Variants in STRA6 observed in about 807,000 individuals in gnomAD.
STRA6 encodes receptor for retinol uptake STRA6.
A neutral mutation model predicts 83.6 loss-of-function variants in STRA6; 48 were observed. That is an observed-to-expected ratio of 0.57 (90% CI 0.46 to 0.73). The LOEUF (loss-of-function observed/expected upper bound fraction) is 0.73, where lower values mean the gene tolerates loss of function less well. Among genes scored for constraint, STRA6 ranks in the 30% least tolerant of loss-of-function variants. STRA6 has a pLI of 0.00. For missense variants in STRA6, 760 were observed against 838.8 expected (o/e 0.91, Z 1.16); for synonymous variants, 353 against 362.3 (o/e 0.97, Z 0.29).
At chr15:74,209,270 G>T, upstream of STRA6, 1 of 1,253,600 alleles carries the variant, frequency 8.0e-7, no homozygotes, top group Non-Finnish European at 1.1e-6. Context: ...GGCCCTCAGA[G>T]TCACCTCAGT....
rs2072899118 is a variant in STRA6, at chr15:74,180,099, G to T, written c.1985C>A (p.Ala662Asp). The change falls in exon 19 of 19, where the codon GCC (alanine) becomes GAC (aspartate). Residue 662 changes from alanine to aspartate, a missense_variant. Transcript: ENST00000395105. ...CTGCCCTCAGGGCTGGGCACCATTG[G>T]CACCCAACAGGGCCGTCTTGCGGAA... ...QVFRKTALLG[A>D]NGAQP 2 of 1,613,210 alleles carry T rather than the reference G, an allele frequency of 1.2e-6. No homozygotes were observed. The highest frequency in any genetic ancestry group is 1.7e-6 in the Non-Finnish European group (2 of 1,179,440).
chr15:74,184,860 A>C (rs1325887471), intron 13 of STRA6, 120 bp downstream of exon 13: 1 of 1,015,940 alleles, frequency 9.8e-7, no homozygotes, highest in African/African-American at 1.6e-5. Context: ...GGTGGGCTCC[A>C]TGACAGCCCG....
In STRA6 at chr15:74,189,384, C is replaced by T. The variant is rs1263951522; in HGVS notation, c.928-107G>A. ...CAGCACACAGGCCCCAGCCACATGC[C>T]CATTGCCCATCAGTGTTCTTATCTG... On this transcript the variant is annotated intron_variant, in intron 11 of 18. Coordinates refer to ENST00000395105, the MANE Select transcript of STRA6 (RefSeq NM_022369.4). 17 of 1,465,534 alleles carry T rather than the reference C, an allele frequency of 1.2e-5. No individual in the cohort carries two copies. The Admixed American group carries it at 2.8e-4, about 24-fold the overall frequency. 90.8% of individuals were successfully genotyped at this position (1,465,534 alleles called of 1,614,324 possible).
intron 1 of STRA6, chr15:74,207,799 C>T (rs1370195891): frequency 6.5e-7 from 1 of 1,534,728 alleles, no homozygotes; most frequent in African/African-American, 1.4e-5. Context: ...GCACAGCACA[C>T]TCACACACAC....
At chr15:74,194,671 T>C (rs77518948) in intron 7 of STRA6, 190 of 916,996 alleles carry the variant, frequency 2.1e-4, no homozygotes, top group Non-Finnish European at 2.6e-4. Context: ...GTCTTGTTCA[T>C]AGCTGTAGTC....
chr15:74,179,858 C>T lies in STRA6; in HGVS notation c.*222G>A, dbSNP rs10910. 0.64 allele frequency: 376,100 copies of T among 588,096 alleles called. 125,133 individuals carry two copies. The highest frequency in any genetic ancestry group is 0.81 in the Middle Eastern group (1,750 of 2,150). 36.4% of individuals were successfully genotyped at this position (588,096 alleles called of 1,614,324 possible). A position where few individuals can be genotyped will look rare whatever the true frequency, so the allele number is the denominator to read the frequency against. On this transcript the variant is annotated 3_prime_UTR_variant, in exon 19 of 19. Coordinates refer to ENST00000395105, the MANE Select transcript of STRA6 (RefSeq NM_022369.4). ...GACCAAGGCCCTAACCCACCAGTTT[C>T]TTTCTCCAGAACCCCTGCTGGCTCT...
chr15:74,196,118 G>A lies in STRA6; in HGVS notation c.296C>T (p.Pro99Leu), dbSNP rs772533478. The A allele has an allele frequency of 9.3e-6, 15 of 1,613,878 alleles. No individual in the cohort carries two copies. The highest frequency in any genetic ancestry group is 2.2e-5 in the East Asian group (1 of 44,868). Residue 99 changes from proline (P) to leucine (L), a missense_variant, in exon 5 of 19, where the codon CCC (proline) becomes CTC (leucine). Physicochemically the swap from Pro to Leu is moderately conservative, Grantham distance 98. Coordinates refer to ENST00000395105, the MANE Select transcript of STRA6 (RefSeq NM_022369.4). ...GAAAACAGCAGCAGGCACTGCCCGG[G>A]GCCTGTCCCCAGCCAAGAAATCCAC... ...SPVDFLAGDR[P>L]RAVPAAVFMV...
intron 7 of STRA6, 41 bp from the exon 8 acceptor site, chr15:74,193,963 T>A: frequency 1.9e-6 from 3 of 1,606,424 alleles, no homozygotes; most frequent in Non-Finnish European, 1.7e-6. Context: ...TTCCACCTTC[T>A]TCCCCCAGCC....
At chr15:74,192,748 C>G (rs1017688053) in intron 8 of STRA6, among the ~76,000 whole-genome samples, 1 of 152,224 alleles carries the variant, frequency 6.6e-6, no homozygotes, top group Non-Finnish European at 1.5e-5. Flanking sequence ...GCCTCTATGT[C>G]TTAAGACTTT....
intron 8 of STRA6, 26 bp from the exon 9 acceptor site, chr15:74,191,517 C>G (rs1332061405): frequency 2.5e-6 from 4 of 1,605,548 alleles, no homozygotes; most frequent in African/African-American, 1.3e-5. Context: ...ATTGAACAAG[C>G]AGATGAGATC....
intron 12 of STRA6, among the ~76,000 whole-genome samples, chr15:74,186,191 A>G (rs1218013554): frequency 2.0e-5 from 3 of 152,386 alleles, no homozygotes. Context: ...TTCAGTGTGC[A>G]GTCAGGACTG....
At chr15:74,183,648 A>G (rs1381941373) in intron 14 of STRA6, 2 of 1,460,070 alleles carry the variant, frequency 1.4e-6, no homozygotes, top group African/African-American at 1.4e-5. Context: ...TACACACTCA[A>G]TTTCCCGAGG....
intron 2 of STRA6, 33 bp from the exon 3 acceptor site, chr15:74,197,851 C>G: frequency 6.2e-7 from 1 of 1,608,912 alleles, no homozygotes; most frequent in South Asian, 1.1e-5. Context: ...CTCAGGCCTG[C>G]GTCAGGCCCC....
chr15:74,193,915 T>C lies in STRA6; in HGVS notation c.605A>G (p.Lys202Arg), dbSNP rs764048175. 1.9e-6 allele frequency: 3 copies of C among 1,613,242 alleles called. No individual in the cohort carries two copies. The highest frequency in any genetic ancestry group is 2.5e-6 in the Non-Finnish European group (3 of 1,179,446). ...AECPQVPKIYKYYSLLASLPL... is the reference protein window; with the variant it reads ...AECPQVPKIYRYYSLLASLPL... ...CAGGGAGGCCAGCAGGGAGTAGTAC[T>C]TGTAGATCTGGACAGACAAACACCC... is the stretch of plus-strand genomic sequence containing the variant. The change falls in exon 8 of 19, where the codon AAG becomes AGG. Residue 202 changes from lysine (K) to arginine (R), a missense_variant. Lys to Arg is a conservative substitution (Grantham distance 26). Transcript: ENST00000395105.
intron 5 of STRA6, 70 bp from the exon 6 acceptor site, chr15:74,195,745 A>G (rs543819067): frequency 1.1e-6 from 1 of 929,714 alleles, no homozygotes; most frequent in Admixed American, 2.1e-5. Flanking sequence ...AATGCTTAGC[A>G]TGGTGCCTGA....
At chr15:74,192,410 G>A (rs887526876) in intron 8 of STRA6, among the ~76,000 whole-genome samples, 6 of 152,188 alleles carry the variant, frequency 3.9e-5, no homozygotes, top group South Asian at 2.1e-4. Flanking sequence ...TGCCTGCCAC[G>A]TGGGAGCCGA....
chr15:74,194,053 CT>C lies in STRA6; in HGVS notation c.598-132del, dbSNP rs558238736. ...GGGGGGCCATGGGAAGGCTTCAGCT[CT>C]ATGGTTCCCAACCTGCCACCCAGCG... On this transcript the variant is annotated intron_variant, in intron 7 of 18. Transcript: ENST00000395105. 7.0e-4 allele frequency: 1,021 copies of C among 1,448,690 alleles called. 6 individuals carry two copies. In the African/African-American group the frequency reaches 0.013, roughly 18 times the overall value. The allele number at this position is 1,448,690 out of a possible 1,614,324, so 89.7% of individuals were successfully genotyped here.
rs201926976 is a variant in STRA6 at position 74,195,379 on chromosome 15, G to C, written c.520C>G (p.Leu174Val). 1.9e-5 allele frequency: 30 copies of C among 1,613,702 alleles called. No individual in the cohort carries two copies. The change falls in exon 7 of 19, where the codon CTG becomes GTG. Residue 174 changes from leucine (L) to valine (V), a missense_variant. Transcript: ENST00000395105. ...GCCCAGGACAGCGTGCTGCCGAGCA[G>C]GTGTGCAGCTGTGTGGCCAGCCGTG... ...CATAGHTAAH[L>V]LGSTLSWAHL...
chr15:74,203,648 C>T (rs577326156), upstream of STRA6, among the ~76,000 whole-genome samples: 1 of 152,210 alleles, frequency 6.6e-6, no homozygotes, highest in Non-Finnish European at 1.5e-5. Context: ...TGAACACACA[C>T]TATGTGCCAG....
Sources: allele counts gnomAD v4.1 joint callset (sites outside exome capture counted in the v4.1 genomes callset), GRCh38; gene constraint gnomAD v4.1.1; transcripts MANE v1.5; gene names NCBI Gene and HGNC (gene_info 2026-07-23, HGNC 2026-07-21).